ABCC2: variants seen among roughly 807,000 people sequenced by gnomAD.
The protein encoded by ABCC2 is ATP binding cassette subfamily C member 2, also known as ATP-binding cassette sub-family C member 2.
ABCC2 carries 157 observed loss-of-function variants against 173.4 expected under a neutral mutation model. The observed-to-expected ratio is 0.91, with a 90% confidence interval of 0.80 to 1.03. The LOEUF (loss-of-function observed/expected upper bound fraction) is 1.03, where lower values mean the gene tolerates loss of function less well. Among genes scored for constraint, ABCC2 ranks in the 50% least tolerant of loss-of-function variants. The pLI is 0.00. For synonymous variants in ABCC2, 657 were observed against 693.5 expected (o/e 0.95, Z 0.83); for missense variants, 1,822 against 1,852.3 (o/e 0.98, Z 0.30).
At chr10:99,849,145 G>A (rs1221414804) in intron 30 of ABCC2, among the ~76,000 whole-genome samples, 1 of 152,154 alleles carries the variant, frequency 6.6e-6, no homozygotes, top group South Asian at 2.1e-4. Flanking sequence ...CAGGAGAATC[G>A]CTTGAACCCG....
chr10:99,807,666 G>A, intron 12 of ABCC2, 145 bp downstream of exon 12: 2 of 1,196,148 alleles, frequency 1.7e-6, no homozygotes, highest in Non-Finnish European at 2.4e-6. Flanking sequence ...ACCGCCCCAT[G>A]CCACTTTTCC....
intron 16 of ABCC2, among the ~76,000 whole-genome samples, chr10:99,815,619 G>T (rs1310206241): frequency 6.6e-6 from 1 of 151,996 alleles, no homozygotes; most frequent in Non-Finnish European, 1.5e-5. Flanking sequence ...ATCACTACTT[G>T]TACCAAACAG....
chr10:99,794,370 T>A (rs1447354120), intron 5 of ABCC2, 43 bp from the exon 6 acceptor site: 1 of 1,548,936 alleles, frequency 6.5e-7, no homozygotes, highest in Non-Finnish European at 8.9e-7. Context: ...ATGAAGTTCC[T>A]GTCTCCAATT....
chr10:99,821,008 C>T (rs1001003497), intron 19 of ABCC2, among the ~76,000 whole-genome samples: 32 of 152,108 alleles, frequency 2.1e-4, no homozygotes, highest in Non-Finnish European at 3.7e-4. Context: ...GGGTGTTTCT[C>T]GAAGAGGGGG....
chr10:99,805,822 T>C (rs180908297), intron 11 of ABCC2, among the ~76,000 whole-genome samples: 1 of 152,126 alleles, frequency 6.6e-6, no homozygotes, highest in Non-Finnish European at 1.5e-5. Flanking sequence ...ATCTCAGAGA[T>C]CTTGTCATTT....
intron 19 of ABCC2, among the ~76,000 whole-genome samples, chr10:99,827,223 T>C (rs1445695776): frequency 1.3e-5 from 2 of 152,246 alleles, no homozygotes; most frequent in African/African-American, 4.8e-5. Flanking sequence ...TTCTTTAACC[T>C]GCGTTTGAGG....
chr10:99,821,018 G>A (rs1274210831), intron 19 of ABCC2, among the ~76,000 whole-genome samples: 1 of 152,222 alleles, frequency 6.6e-6, no homozygotes, highest in Non-Finnish European at 1.5e-5. Context: ...CGAAGAGGGG[G>A]ATGTGTCAGG....
chr10:99,836,267 C>G lies in ABCC2; in HGVS notation c.3591C>G (p.Val1197=), dbSNP rs774159224. 13 of 1,614,044 alleles carry G rather than the reference C, an allele frequency of 8.1e-6. No homozygotes were observed. The Admixed American group carries it at 2.2e-4, about 27-fold the overall frequency. ...GGATTGACACCAACCAGAAATGTGT[C>G]TTTTCCTGGATCACCTCCAACAGGT... ...EVRIDTNQKC[V]FSWITSNRWL... The change falls in exon 25 of 32, where the codon GTC becomes GTG. Residue 1197 remains valine (V), a synonymous_variant. Coordinates refer to ENST00000647814, the MANE Select transcript of ABCC2 (RefSeq NM_000392.5).
At chr10:99,814,065 A>G (rs889856976) in intron 16 of ABCC2, among the ~76,000 whole-genome samples, 3 of 150,576 alleles carry the variant, frequency 2.0e-5, no homozygotes, top group Non-Finnish European at 3.0e-5. Flanking sequence ...TCAATTTTGT[A>G]TATATATATG....
rs1210487743 is a variant in ABCC2 at position 99,840,615 on chromosome 10, C to CCTGCCT, written c.3615-1350_3615-1345dup. 3.3e-5 allele frequency among the ~76,000 whole-genome samples: 5 copies of CCTGCCT among 150,696 alleles called. No individual in the cohort carries two copies. In the East Asian group the frequency reaches 7.7e-4, roughly 23 times the overall value. On this transcript the variant is annotated intron_variant, in intron 25 of 31. Transcript: ENST00000647814. ...CTGCCTCCCAGGTTGAAGCGATTTTCCTGCCTCAGCCTCAGCCTCCTGAGT... is the reference window on the plus strand; with the variant it reads ...CTGCCTCCCAGGTTGAAGCGATTTTCCTGCCTCTGCCTCAGCCTCAGCCTCCTGAGT...
intron 30 of ABCC2, among the ~76,000 whole-genome samples, chr10:99,847,918 A>AAAACAAAC (rs112361790): frequency 3.9e-5 from 6 of 151,922 alleles, no homozygotes; most frequent in African/African-American, 7.3e-5. Context: ...ACTCCATCTC[A>AAAACAAAC]AAACAAACAA....
chr10:99,841,723 C>T (rs2038948042), intron 25 of ABCC2, among the ~76,000 whole-genome samples: 1 of 152,176 alleles, frequency 6.6e-6, no homozygotes, highest in African/African-American at 2.4e-5. Flanking sequence ...GTAGACATTG[C>T]ACTGTAGGAT....
chr10:99,848,494 T>C (rs1472815051), intron 30 of ABCC2, among the ~76,000 whole-genome samples: 1 of 152,096 alleles, frequency 6.6e-6, no homozygotes, highest in South Asian at 2.1e-4. Context: ...AATAGGCCGT[T>C]GGCAAGTTGA....
chr10:99,814,044 T>C (rs2038264302), intron 16 of ABCC2, among the ~76,000 whole-genome samples: 1 of 151,566 alleles, frequency 6.6e-6, no homozygotes, highest in Non-Finnish European at 1.5e-5. Flanking sequence ...TGTAGGGTGT[T>C]GTCTTCTTCA....
chr10:99,796,833 G>A (rs1202424340), intron 6 of ABCC2, among the ~76,000 whole-genome samples: 1 of 152,220 alleles, frequency 6.6e-6, no homozygotes, highest in Non-Finnish European at 1.5e-5. Flanking sequence ...CAGTGTTTGA[G>A]GAGGAAGGAG....
chr10:99,797,340 C>G lies in ABCC2; in HGVS notation c.867+9C>G. The G allele has an allele frequency of 6.2e-7, 1 of 1,607,836 alleles. No individual in the cohort carries two copies. The highest frequency in any genetic ancestry group is 8.5e-7 in the Non-Finnish European group (1 of 1,177,000). Reference sequence around the variant, plus strand: ...AAGATGCCCTTGTCCTGGTAACTTTCCCTTGAGTGTCTGTGTGAGCGCGCT... The same window carrying G: ...AAGATGCCCTTGTCCTGGTAACTTTGCCTTGAGTGTCTGTGTGAGCGCGCT... On this transcript the variant is annotated intron_variant, in intron 7 of 31. Transcript: ENST00000647814.
chr10:99,848,191 G>A (rs1181807862), intron 30 of ABCC2, among the ~76,000 whole-genome samples: 1 of 152,176 alleles, frequency 6.6e-6, no homozygotes, highest in Admixed American at 6.5e-5. Context: ...CGGATGACAG[G>A]GAACGTGACA....
chr10:99,841,120 C>CAG (rs2038936998), intron 25 of ABCC2, among the ~76,000 whole-genome samples: 2 of 152,184 alleles, frequency 1.3e-5, no homozygotes, highest in Non-Finnish European at 2.9e-5. Context: ...GCTTCTTCTT[C>CAG]CCCTTTTACA....
rs774958835 is a variant in ABCC2, at chr10:99,847,179, G to A, written c.4313+52G>A. 2.5e-6 allele frequency: 4 copies of A among 1,592,404 alleles called. No individual in the cohort carries two copies. The South Asian group carries it at 3.3e-5, about 13-fold the overall frequency. On this transcript the variant is annotated intron_variant, in intron 30 of 31. Transcript: ENST00000647814. Reference sequence around the variant, plus strand: ...GCAGGCAATGAGAGGATGTGAGGGGGCCACTCCTCGTGTTCCTCGTGTTAG... The same window carrying A: ...GCAGGCAATGAGAGGATGTGAGGGGACCACTCCTCGTGTTCCTCGTGTTAG...
Sources: gnomAD v4.1 joint callset for allele counts (sites outside exome capture counted in the v4.1 genomes callset) on GRCh38, gnomAD v4.1.1 for gene constraint, MANE v1.5 for transcripts, NCBI Gene and HGNC (gene_info 2026-07-23, HGNC 2026-07-21) for gene names.